CUX2: variants seen among roughly 807,000 people sequenced by gnomAD.
CUX2 encodes the protein cut like homeobox 2.
A neutral mutation model predicts 144.8 loss-of-function variants in CUX2; 40 were observed. The observed-to-expected ratio is 0.28, with a 90% confidence interval of 0.21 to 0.36. CUX2 has a LOEUF of 0.36. Among genes scored for constraint, CUX2 ranks in the 10% least tolerant of loss-of-function variants. The probability of loss-of-function intolerance (pLI) is 1.00; values close to 1 mark genes in which losing one functional copy is unlikely to be tolerated. For synonymous variants in CUX2, 827 were observed against 875.6 expected (o/e 0.94, Z 0.98); for missense variants, 1,615 against 1,994.0 (o/e 0.81, Z 3.62).
intron 1 of CUX2, among the ~76,000 whole-genome samples, chr12:111,156,985 C>CAAAAAAAAAAAAAAAAAAA (rs1200398908): frequency 2.1e-4 from 4 of 18,980 alleles, no homozygotes; most frequent in Non-Finnish European, 3.5e-4. Context: ...AAACTTCTCT[C>CAAAAAAAAAAAAAAAAAAA]AAAAAAAAAA....
chr12:111,049,029 T>A (rs528295981), intron 1 of CUX2, among the ~76,000 whole-genome samples: 1 of 152,212 alleles, frequency 6.6e-6, no homozygotes, highest in South Asian at 2.1e-4. Context: ...ATCCACTGTA[T>A]CCATCCACCT....
chr12:111,181,501 T>C (rs918819081), intron 1 of CUX2, among the ~76,000 whole-genome samples: 8 of 152,234 alleles, frequency 5.3e-5, no homozygotes, highest in African/African-American at 1.9e-4. Context: ...AATCTTTAAC[T>C]GTTGTGAACA....
At chr12:111,198,167 A>G (rs538690993) in intron 1 of CUX2, among the ~76,000 whole-genome samples, 2 of 152,272 alleles carry the variant, frequency 1.3e-5, no homozygotes, top group African/African-American at 4.8e-5. Context: ...GGTGAGGTGA[A>G]TATTCATTTA....
chr12:111,209,988 C>T (rs1351924457), intron 1 of CUX2, among the ~76,000 whole-genome samples: 1 of 152,228 alleles, frequency 6.6e-6, no homozygotes, highest in Non-Finnish European at 1.5e-5. Context: ...GATGAGTCTC[C>T]TCCCTGCCTG....
chr12:111,335,926 A>G (rs1256515741), intron 19 of CUX2, among the ~76,000 whole-genome samples: 1 of 152,074 alleles, frequency 6.6e-6, no homozygotes, highest in African/African-American at 2.4e-5. Context: ...AAATTAAAAA[A>G]AAAAAAAGAC....
At chr12:111,292,043 G>A (rs1357617769) in intron 5 of CUX2, among the ~76,000 whole-genome samples, 1 of 152,178 alleles carries the variant, frequency 6.6e-6, no homozygotes, top group Admixed American at 6.5e-5. Flanking sequence ...CAGTCCTTCA[G>A]TAAGTAAAAC....
intron 10 of CUX2, among the ~76,000 whole-genome samples, chr12:111,306,309 G>A (rs1565905548): frequency 6.9e-6 from 1 of 144,700 alleles, no homozygotes; most frequent in South Asian, 2.2e-4. Flanking sequence ...GTTGGGTTGG[G>A]GCTTTTTGTT....
At chr12:111,282,825 G>C (rs184261362) in intron 4 of CUX2, among the ~76,000 whole-genome samples, 69 of 152,072 alleles carry the variant, frequency 4.5e-4, no homozygotes, top group Admixed American at 3.1e-3. Flanking sequence ...TTGGTGCACA[G>C]AAAAAGGAAT....
chr12:111,331,144 A>C (rs1356580757), intron 18 of CUX2, among the ~76,000 whole-genome samples: 3 of 151,914 alleles, frequency 2.0e-5, no homozygotes, highest in Non-Finnish European at 2.9e-5. Flanking sequence ...TTAATCACCA[A>C]GACAAGGTGA....
chr12:111,154,990 G>A (rs1877286980), intron 1 of CUX2, among the ~76,000 whole-genome samples: 2 of 152,174 alleles, frequency 1.3e-5, no homozygotes, highest in East Asian at 1.9e-4. Context: ...GGCAAGTCAG[G>A]CAATACTTCC....
intron 1 of CUX2, among the ~76,000 whole-genome samples, chr12:111,196,242 T>C (rs1347360870): frequency 1.3e-5 from 2 of 152,266 alleles, no homozygotes; most frequent in Admixed American, 6.5e-5. Flanking sequence ...GACCACGTTT[T>C]ATCCGTTCAT....
chr12:111,087,043 A>G (rs1872265049), intron 1 of CUX2, among the ~76,000 whole-genome samples: 1 of 152,168 alleles, frequency 6.6e-6, no homozygotes, highest in Non-Finnish European at 1.5e-5. Flanking sequence ...AAGTTATTCT[A>G]CCGTAACAAG....
intron 3 of CUX2, among the ~76,000 whole-genome samples, chr12:111,229,005 G>A (rs901432551): frequency 6.6e-5 from 10 of 152,200 alleles, no homozygotes; most frequent in Admixed American, 1.3e-4. Flanking sequence ...TCTTATAGGT[G>A]AAGGTGAAGA....
At chr12:111,078,921 G>A (rs1016597764) in intron 1 of CUX2, among the ~76,000 whole-genome samples, 10 of 152,296 alleles carry the variant, frequency 6.6e-5, no homozygotes, top group East Asian at 3.9e-4. Flanking sequence ...AAAAGGAGTC[G>A]TGCGTGGGAA....
chr12:111,350,305 C>G lies in CUX2; in HGVS notation c.*1980C>G, dbSNP rs1036101965. 5.9e-5 allele frequency: 9 copies of G among 152,440 alleles called. No homozygotes were observed. Among genetic ancestry groups the G allele is most frequent in the Non-Finnish European group, 4.4e-5 (3 of 68,038 alleles). The allele number at this position is 152,440 out of a possible 1,614,324, so 9.4% of individuals were successfully genotyped here. On this transcript the variant is annotated 3_prime_UTR_variant, in exon 22 of 22. Coordinates refer to ENST00000261726, the MANE Select transcript of CUX2 (RefSeq NM_015267.4). Reference sequence around the variant, plus strand: ...TACGCAGACTCCGATTCCTAGAGAACTAAATTTGGCTTTAGTGTGACGGGA... The same window carrying G: ...TACGCAGACTCCGATTCCTAGAGAAGTAAATTTGGCTTTAGTGTGACGGGA...
intron 3 of CUX2, among the ~76,000 whole-genome samples, chr12:111,248,170 G>A (rs1271654431): frequency 6.6e-6 from 1 of 152,190 alleles, no homozygotes; most frequent in Non-Finnish European, 1.5e-5. Flanking sequence ...CAGAGTGCCG[G>A]GATTATAGGC....
At chr12:111,133,972 A>G (rs1398705901) in intron 1 of CUX2, among the ~76,000 whole-genome samples, 1 of 152,114 alleles carries the variant, frequency 6.6e-6, no homozygotes, top group Non-Finnish European at 1.5e-5. Context: ...CAATGCCTTC[A>G]CTTTAGCAGC....
intron 4 of CUX2, among the ~76,000 whole-genome samples, chr12:111,279,968 G>A (rs140662936): frequency 3.3e-5 from 5 of 150,368 alleles, no homozygotes; most frequent in Admixed American, 1.3e-4. Flanking sequence ...GCGAAAGAGC[G>A]AGACTCCGTC....
chr12:111,303,500 G>A (rs1565903726), intron 9 of CUX2, among the ~76,000 whole-genome samples: 1 of 151,912 alleles, frequency 6.6e-6, no homozygotes, highest in East Asian at 1.9e-4. Context: ...GCTGGGTGTG[G>A]TGGTGTGCAC....
Sources: gnomAD v4.1 joint callset for allele counts (sites outside exome capture counted in the v4.1 genomes callset) on GRCh38, gnomAD v4.1.1 for gene constraint, MANE v1.5 for transcripts, NCBI Gene and HGNC (gene_info 2026-07-23, HGNC 2026-07-21) for gene names.